The following FAM163A variants were observed in gnomAD, a reference collection of about 807,000 sequenced individuals.
FAM163A encodes the protein protein FAM163A.
A neutral mutation model predicts 12.0 loss-of-function variants in FAM163A; 7 were observed. The observed-to-expected ratio is 0.58, with a 90% CI of 0.33 to 1.10. The LOEUF is 1.10. Among genes scored for constraint, FAM163A ranks in the 50% least tolerant of loss-of-function variants. The probability of loss-of-function intolerance (pLI) is 0.03; values close to 1 mark genes in which losing one functional copy is unlikely to be tolerated. For synonymous variants in FAM163A, 101 were observed against 91.0 expected, an observed-to-expected ratio of 1.11 and a Z score of -0.62; for missense variants, 202 against 218.6, an observed-to-expected ratio of 0.92 and a Z score of 0.48.
At chr1:179,765,301 G>A (rs1013743113) in intron 1 of FAM163A, among the ~76,000 whole-genome samples, 6 of 152,208 alleles carry the variant, frequency 3.9e-5, no homozygotes, top group African/African-American at 1.4e-4. Flanking sequence ...GTTAAATTTT[G>A]TTAAATGTGG....
At chr1:179,810,688 C>G (rs1694590836) in intron 2 of FAM163A, among the ~76,000 whole-genome samples, 1 of 152,194 alleles carries the variant, frequency 6.6e-6, no homozygotes, top group South Asian at 2.1e-4. Flanking sequence ...GGCTGCGAGT[C>G]TCACACTGTA....
chr1:179,765,695 T>A (rs1687396004), intron 1 of FAM163A, among the ~76,000 whole-genome samples: 1 of 151,528 alleles, frequency 6.6e-6, no homozygotes, highest in Non-Finnish European at 1.5e-5. Flanking sequence ...TTTTTTTTTT[T>A]TTTTGCTGAT....
chr1:179,781,404 A>G (rs1354874858), intron 1 of FAM163A, among the ~76,000 whole-genome samples: 6 of 151,992 alleles, frequency 3.9e-5, no homozygotes, highest in Non-Finnish European at 5.9e-5. Context: ...ATCTAGCTGC[A>G]GTATAGCATG....
intron 1 of FAM163A, among the ~76,000 whole-genome samples, chr1:179,758,092 A>G (rs927753455): frequency 2.6e-5 from 4 of 152,188 alleles, no homozygotes; most frequent in African/African-American, 7.2e-5. Context: ...TCTCGAGGGT[A>G]TATTAAAAGC....
chr1:179,750,257 G>A (rs1006708258), intron 1 of FAM163A, among the ~76,000 whole-genome samples: 5 of 152,214 alleles, frequency 3.3e-5, no homozygotes, highest in Non-Finnish European at 5.9e-5. Context: ...GGAGGAGACA[G>A]TCAAAACCCT....
At chr1:179,779,820 G>C (rs1177224224) in intron 1 of FAM163A, among the ~76,000 whole-genome samples, 1 of 152,214 alleles carries the variant, frequency 6.6e-6, no homozygotes, top group Non-Finnish European at 1.5e-5. Context: ...ATGTTGGTTA[G>C]AGGCCTGGCT....
chr1:179,781,524 C>T (rs1689728636), intron 1 of FAM163A, among the ~76,000 whole-genome samples: 1 of 152,004 alleles, frequency 6.6e-6, no homozygotes, highest in Non-Finnish European at 1.5e-5. Context: ...TTGGACTATA[C>T]TCTCTTGGGA....
At chr1:179,737,257 A>T in the FAM163A span, among the ~76,000 whole-genome samples, 2 of 152,248 alleles carry the variant, frequency 1.3e-5, no homozygotes, top group African/African-American at 4.8e-5. Context: ...GCCTGTTAGA[A>T]GAGGAAAAAT....
rs1480474517 is a variant in FAM163A at position 179,794,383 on chromosome 1, T to C, written c.-135-13415T>C. ...AATAGTACCCCCATTCACTCAAGTG[T>C]CCCAGTTAGGCAATAAATTGAATAA... On this transcript the variant is annotated intron_variant, in intron 1 of 4. Transcript: ENST00000341785. Among the ~76,000 whole-genome samples, 4 of 152,164 alleles carry C rather than the reference T, an allele frequency of 2.6e-5. No individual in the cohort carries two copies. In the East Asian group the frequency reaches 7.7e-4, roughly 29 times the overall value.
At chr1:179,781,933 CA>C (rs58962319) in intron 1 of FAM163A, among the ~76,000 whole-genome samples, 294 of 119,374 alleles carry the variant, frequency 2.5e-3, no homozygotes, top group East Asian at 0.015. Context: ...GAATCCGTAT[CA>C]AAAAAAAAAA....
intron 1 of FAM163A, among the ~76,000 whole-genome samples, chr1:179,749,075 G>A (rs531940532): frequency 6.6e-6 from 1 of 152,326 alleles, no homozygotes; most frequent in South Asian, 2.1e-4. Context: ...GACTATTTCA[G>A]TGGGAAGGTA....
intron 1 of FAM163A, among the ~76,000 whole-genome samples, chr1:179,749,767 G>A (rs897069515): frequency 1.3e-5 from 2 of 152,196 alleles, no homozygotes; most frequent in African/African-American, 4.8e-5. Context: ...GCTGAGGCAG[G>A]AGAATCGCTT....
intron 1 of FAM163A, among the ~76,000 whole-genome samples, chr1:179,770,175 GATT>G (rs1688084142): frequency 6.6e-6 from 1 of 151,752 alleles, no homozygotes; most frequent in East Asian, 1.9e-4. Context: ...AAAGTGCTGG[GATT>G]ACAGGTGTGA....
chr1:179,790,909 G>A (rs542551057), intron 1 of FAM163A, among the ~76,000 whole-genome samples: 2 of 152,244 alleles, frequency 1.3e-5, no homozygotes, highest in African/African-American at 2.4e-5. Context: ...CTTAAGTAAG[G>A]GATGATGGAT....
chr1:179,763,840 C>A (rs1275853923), intron 1 of FAM163A, among the ~76,000 whole-genome samples: 1 of 152,098 alleles, frequency 6.6e-6, no homozygotes, highest in African/African-American at 2.4e-5. Context: ...AAGTGCCTTC[C>A]CTTGGCTGAG....
chr1:179,738,606 G>GA (rs1399808916), upstream of FAM163A, among the ~76,000 whole-genome samples: 10 of 151,974 alleles, frequency 6.6e-5, no homozygotes, highest in South Asian at 2.1e-4. Flanking sequence ...GCTAAAAAAA[G>GA]AAAAAATCAC....
At chr1:179,778,290 A>G (rs1021909091) in intron 1 of FAM163A, among the ~76,000 whole-genome samples, 2 of 152,188 alleles carry the variant, frequency 1.3e-5, no homozygotes, top group Non-Finnish European at 2.9e-5. Flanking sequence ...CCTGACTCCA[A>G]GGAAGAGACA....
At chr1:179,799,784 A>T (rs957761134) in intron 1 of FAM163A, among the ~76,000 whole-genome samples, 7 of 152,228 alleles carry the variant, frequency 4.6e-5, no homozygotes, top group African/African-American at 1.7e-4. Flanking sequence ...TGTGATCAGA[A>T]CTTCAGGAGC....
rs1006528319 is a variant in FAM163A at position 179,773,382 on chromosome 1, A to G, written c.-136+29959A>G. On this transcript the variant is annotated intron_variant, in intron 1 of 4. Transcript: ENST00000341785. ...GTGCACACATGCATATGTTCATGTA[A>G]AACTGGAGAAATCCAAATGTCACTA... Among the ~76,000 whole-genome samples, 6 of 152,180 alleles carry G rather than the reference A, an allele frequency of 3.9e-5. No homozygotes were observed. The East Asian group carries it at 1.2e-3, about 29-fold the overall frequency.
Sources: allele counts gnomAD v4.1 joint callset (sites outside exome capture counted in the v4.1 genomes callset), GRCh38; gene constraint gnomAD v4.1.1; transcripts MANE v1.5; gene names NCBI Gene and HGNC (gene_info 2026-07-23, HGNC 2026-07-21).